BPTF: variants seen among roughly 807,000 people sequenced by gnomAD.
The protein encoded by BPTF is nucleosome-remodeling factor subunit BPTF.
A neutral mutation model predicts 292.5 loss-of-function variants in BPTF; 18 were observed. That is an observed-to-expected ratio of 0.06 (90% CI 0.04 to 0.09). The LOEUF (loss-of-function observed/expected upper bound fraction) is 0.09, where lower values mean the gene tolerates loss of function less well. BPTF is among the 10% of genes least tolerant of loss of function. The probability of loss-of-function intolerance (pLI) is 1.00; values close to 1 mark genes in which losing one functional copy is unlikely to be tolerated. For missense variants in BPTF, 2,726 were observed against 3,498.7 expected, an observed-to-expected ratio of 0.78 and a Z score of 5.57; for synonymous variants, 1,225 against 1,251.9, an observed-to-expected ratio of 0.98 and a Z score of 0.45.
At position 67,982,297 on chromosome 17, in the gene BPTF, G is replaced by C. The variant is rs374235007; in HGVS notation, c.*9G>C. Reference sequence around the variant, plus strand: ...AGTCTACAGCTTCTTAAAGTTCAGCGTGTTAACCTAACATAAAACACAGCA... The same window carrying C: ...AGTCTACAGCTTCTTAAAGTTCAGCCTGTTAACCTAACATAAAACACAGCA... On this transcript the variant is annotated 3_prime_UTR_variant, in exon 28 of 28. Transcript: ENST00000306378. 4 of 1,606,760 alleles carry C rather than the reference G, an allele frequency of 2.5e-6. No individual in the cohort carries two copies. Among genetic ancestry groups the C allele is most frequent in the African/African-American group, 1.3e-5 (1 of 74,702 alleles).
At chr17:67,931,003 A>C in intron 17 of BPTF, among the ~76,000 whole-genome samples, 1 of 151,686 alleles carries the variant, frequency 6.6e-6, no homozygotes, top group Non-Finnish European at 1.5e-5. Context: ...GCGGTGGCTC[A>C]CACCTGTAAT....
At chr17:67,877,598 A>G (rs1189084859) in intron 4 of BPTF, among the ~76,000 whole-genome samples, 1 of 152,114 alleles carries the variant, frequency 6.6e-6, no homozygotes, top group Non-Finnish European at 1.5e-5. Context: ...ATTGGAAAGC[A>G]TTTTGGATGT....
Position 67,984,157 on chromosome 17 carries a change from T to G in BPTF, c.*1869T>G, listed in dbSNP as rs1258425493. The G allele has an allele frequency of 2.0e-5, 3 of 152,608 alleles. No individual in the cohort carries two copies. Among genetic ancestry groups the G allele is most frequent in the African/African-American group, 4.8e-5 (2 of 41,460 alleles). The allele number at this position is 152,608 out of a possible 1,614,324, so 9.5% of individuals were successfully genotyped here. On this transcript the variant is annotated 3_prime_UTR_variant, in exon 28 of 28. Coordinates refer to ENST00000306378, the MANE Select transcript of BPTF (RefSeq NM_182641.4). ...TACATTTTAATGAGTTATAAAATTA[T>G]TCTGCATCTCATCACGTCACAGTAT...
intron 26 of BPTF, chr17:67,974,946 T>C: frequency 6.6e-6 from 1 of 151,760 alleles, no homozygotes; most frequent in Non-Finnish European, 1.5e-5. Context: ...CTTCCGGAGG[T>C]TGGGGGATGG....
intron 23 of BPTF, among the ~76,000 whole-genome samples, chr17:67,948,962 C>T (rs2066022884): frequency 6.6e-6 from 1 of 152,110 alleles, no homozygotes; most frequent in Non-Finnish European, 1.5e-5. Flanking sequence ...GCCTGGGCAA[C>T]AGAGCAAAAC....
Position 67,928,463 on chromosome 17 carries a change from A to G in BPTF, c.5860A>G (p.Ile1954Val), listed in dbSNP as rs780227340. The change falls in exon 16 of 28, where the codon ATA becomes GTA. Residue 1954 changes from isoleucine (I) to valine (V), a missense_variant. Coordinates refer to ENST00000306378, the MANE Select transcript of BPTF (RefSeq NM_182641.4). ...SPAQKVMVAP[I>V]SGSVTTGTKM... Reference sequence around the variant, plus strand: ...AGCACAGAAGGTTATGGTGGCCCCCATAAGTGGCTCAGTTACAACTGGAAC... The same window carrying G: ...AGCACAGAAGGTTATGGTGGCCCCCGTAAGTGGCTCAGTTACAACTGGAAC... 11 of 1,614,062 alleles carry G rather than the reference A, an allele frequency of 6.8e-6. No homozygotes were observed. The highest frequency in any genetic ancestry group is 6.7e-5 in the Admixed American group (4 of 59,992).
intron 1 of BPTF, among the ~76,000 whole-genome samples, chr17:67,833,076 C>T (rs551659644): frequency 7.2e-5 from 11 of 151,800 alleles, no homozygotes; most frequent in African/African-American, 1.5e-4. Context: ...GGATTACAGG[C>T]GTGAGCCACT....
At chr17:67,915,475 C>A (rs1485622734) in intron 11 of BPTF, among the ~76,000 whole-genome samples, 1 of 152,182 alleles carries the variant, frequency 6.6e-6, no homozygotes, top group African/African-American at 2.4e-5. Context: ...AATATACATA[C>A]CCTTTAATGC....
In BPTF at chr17:67,825,535, C is replaced by A; in HGVS notation, c.-190C>A. 2.4e-6 allele frequency: 1 copy of A among 424,122 alleles called. No homozygotes were observed. The highest frequency in any genetic ancestry group is 4.6e-6 in the Non-Finnish European group (1 of 217,328). 26.3% of individuals were successfully genotyped at this position (424,122 alleles called of 1,614,324 possible). On this transcript the variant is annotated 5_prime_UTR_variant, in exon 1 of 28. Transcript: ENST00000306378. ...GAGCGAGAGGGAAGAAACAAGATGGCGGCTGAAGGCGATCCGGAGTGGGGC... is the reference window on the plus strand; with the variant it reads ...GAGCGAGAGGGAAGAAACAAGATGGAGGCTGAAGGCGATCCGGAGTGGGGC...
At chr17:67,931,854 ATTATAC>A in intron 17 of BPTF, 51 bp from the exon 18 acceptor site, 1 of 1,335,034 alleles carries the variant, frequency 7.5e-7, no homozygotes, top group Non-Finnish European at 1.1e-6. Context: ...TTCTAAGTCC[ATTATAC>A]TTTAATCTTT....
intron 11 of BPTF, among the ~76,000 whole-genome samples, chr17:67,917,720 C>T (rs1411662500): frequency 1.3e-5 from 2 of 152,046 alleles, no homozygotes; most frequent in Non-Finnish European, 2.9e-5. Flanking sequence ...GCAGCCTCTG[C>T]CTCCTGGGTT....
At chr17:67,944,114 T>C in intron 19 of BPTF, 36 bp from the exon 20 acceptor site, 1 of 1,495,176 alleles carries the variant, frequency 6.7e-7, no homozygotes, top group Non-Finnish European at 9.3e-7. Flanking sequence ...AGATTGATGC[T>C]TTGAACACTG....
intron 4 of BPTF, among the ~76,000 whole-genome samples, chr17:67,881,491 GTTTTTTTTTTTT>G (rs140810889): frequency 1.4e-4 from 13 of 92,520 alleles, no homozygotes; most frequent in Admixed American, 1.0e-3. Flanking sequence ...CATAATCAAG[GTTTTTTTTTTTT>G]TTTTTTTTTT....
chr17:67,907,575 C>T (rs749139786), intron 9 of BPTF, among the ~76,000 whole-genome samples: 51 of 152,028 alleles, frequency 3.4e-4, no homozygotes, highest in Non-Finnish European at 6.6e-4. Flanking sequence ...AGGCTGATCT[C>T]GAACTCCTGA....
Position 67,893,348 on chromosome 17 carries a change from GTC to G in BPTF, c.2056-20_2056-19del. 7 of 1,419,824 alleles carry G rather than the reference GTC, an allele frequency of 4.9e-6. No homozygotes were observed. The highest frequency in any genetic ancestry group is 7.0e-6 in the Non-Finnish European group (7 of 1,006,008). The allele number at this position is 1,419,824 out of a possible 1,614,324, so 88.0% of individuals were successfully genotyped here. ...ATCTTTGATTGACATAAATAATGCA[GTC>G]TTTTTATTTTTTTGGTCAGGTACTG... On this transcript the variant is annotated intron_variant, in intron 5 of 27. Coordinates refer to ENST00000306378, the MANE Select transcript of BPTF (RefSeq NM_182641.4).
intron 25 of BPTF, chr17:67,965,147 C>G (rs569841143): frequency 2.0e-5 from 3 of 151,048 alleles, no homozygotes; most frequent in East Asian, 3.9e-4. Flanking sequence ...CGAGACCAGA[C>G]TGGCCAAAAG....
At chr17:67,874,029 T>TGGATGGATGG (rs398119969) in intron 3 of BPTF, among the ~76,000 whole-genome samples, 1 of 152,014 alleles carries the variant, frequency 6.6e-6, no homozygotes, top group Admixed American at 6.6e-5. Context: ...GATGGATGGA[T>TGGATGGATGG]ATGTGTCAAA....
chr17:67,908,639 G>A (rs762746083), intron 9 of BPTF, among the ~76,000 whole-genome samples: 2 of 146,870 alleles, frequency 1.4e-5, no homozygotes, highest in Admixed American at 6.8e-5. Context: ...ACAGTTGCAC[G>A]CCACCATGCC....
intron 21 of BPTF, among the ~76,000 whole-genome samples, chr17:67,947,016 T>C (rs2147969293): frequency 6.6e-6 from 1 of 152,366 alleles, no homozygotes; most frequent in Non-Finnish European, 1.5e-5. Flanking sequence ...TTGTGAGACC[T>C]TCATTCAGTT....
Sources: allele counts gnomAD v4.1 joint callset (sites outside exome capture counted in the v4.1 genomes callset), GRCh38; gene constraint gnomAD v4.1.1; transcripts MANE v1.5; gene names NCBI Gene and HGNC (gene_info 2026-07-23, HGNC 2026-07-21).